Variants in BMPER observed in about 807,000 individuals in gnomAD.
BMPER encodes BMP-binding endothelial regulator protein.
BMPER carries 45 observed loss-of-function variants against 87.3 expected under a neutral mutation model. That is an observed-to-expected ratio of 0.52 (90% confidence interval 0.41 to 0.66). The LOEUF is 0.66. BMPER is among the 30% of genes least tolerant of loss of function. BMPER has a pLI of 0.00. For missense variants in BMPER, 784 were observed against 867.5 expected (o/e 0.90, Z 1.21); for synonymous variants, 326 against 316.2 (o/e 1.03, Z -0.33).
At chr7:34,070,401 A>T (rs1266044196) in intron 11 of BMPER, among the ~76,000 whole-genome samples, 1 of 152,124 alleles carries the variant, frequency 6.6e-6, no homozygotes, top group Non-Finnish European at 1.5e-5. Context: ...ATCAATCATC[A>T]GGTTTGCTTG....
chr7:34,152,396 C>T (rs528877941), intron 14 of BMPER, among the ~76,000 whole-genome samples: 51 of 152,236 alleles, frequency 3.4e-4, no homozygotes, highest in African/African-American at 1.2e-3. Flanking sequence ...TCTGACAAGT[C>T]TAGTCATGAA....
intron 2 of BMPER, among the ~76,000 whole-genome samples, chr7:33,922,316 A>G (rs974606353): frequency 2.0e-5 from 3 of 152,118 alleles, no homozygotes; most frequent in African/African-American, 7.2e-5. Context: ...CCATGATGTC[A>G]CCATTCCCCA....
At chr7:34,149,784 A>C (rs1417772842) in intron 14 of BMPER, among the ~76,000 whole-genome samples, 1 of 151,976 alleles carries the variant, frequency 6.6e-6, no homozygotes, top group African/African-American at 2.4e-5. Flanking sequence ...TATGGACATT[A>C]GTGAAAACTT....
At chr7:34,068,457 A>G (rs773776912) in intron 11 of BMPER, among the ~76,000 whole-genome samples, 2 of 152,324 alleles carry the variant, frequency 1.3e-5, no homozygotes, top group South Asian at 2.1e-4. Flanking sequence ...TGTCCCTCCA[A>G]CCACACCTGG....
chr7:34,094,488 A>T (rs935195603), intron 13 of BMPER, among the ~76,000 whole-genome samples: 1 of 152,174 alleles, frequency 6.6e-6, no homozygotes, highest in African/African-American at 2.4e-5. Context: ...CAGGCAGGGG[A>T]GCAGCAGGTC....
chr7:34,098,701 C>T (rs1287703907), intron 13 of BMPER, among the ~76,000 whole-genome samples: 1 of 152,036 alleles, frequency 6.6e-6, no homozygotes, highest in African/African-American at 2.4e-5. Context: ...CTTTCAGAAC[C>T]CCTGAAAGCT....
chr7:34,135,551 T>A (rs1381451600), intron 13 of BMPER, among the ~76,000 whole-genome samples: 3 of 152,160 alleles, frequency 2.0e-5, no homozygotes, highest in Non-Finnish European at 2.9e-5. Flanking sequence ...GGCTGCATGA[T>A]TCTCTGTCAG....
Position 34,153,268 on chromosome 7 carries a change from C to A in BMPER, c.2053C>A (p.Arg685=). 3 of 1,613,932 alleles carry A rather than the reference C, an allele frequency of 1.9e-6. No homozygotes were observed. The highest frequency in any genetic ancestry group is 2.5e-6 in the Non-Finnish European group (3 of 1,179,926). ...CATCAAGCCAGTCCTTTGTCCCCAG[C>A]GGTGACCTTTGTTTCGATCCTTAAG... ...RCIKPVLCPQ[R] The change falls in exon 15 of 15, where the codon CGG becomes AGG. Residue 685 remains arginine, a synonymous_variant. Transcript: ENST00000649409.
intron 2 of BMPER, among the ~76,000 whole-genome samples, chr7:33,923,689 C>T (rs1585640105): frequency 6.6e-6 from 1 of 152,192 alleles, no homozygotes; most frequent in East Asian, 1.9e-4. Flanking sequence ...GTAATGACCG[C>T]AGCCAGGGTC....
At chr7:34,097,752 G>A (rs1789566629) in intron 13 of BMPER, among the ~76,000 whole-genome samples, 1 of 152,046 alleles carries the variant, frequency 6.6e-6, no homozygotes, top group Non-Finnish European at 1.5e-5. Flanking sequence ...AGATTCCTTT[G>A]GGTCACCAAG....
At chr7:33,970,529 C>G (rs1400061427) in intron 5 of BMPER, 110 bp downstream of exon 5, 2 of 1,144,644 alleles carry the variant, frequency 1.7e-6, no homozygotes, top group Non-Finnish European at 2.6e-6. Flanking sequence ...ATCTGTGTAC[C>G]TAATGGGTTT....
At chr7:34,006,489 A>G (rs1430989830) in intron 6 of BMPER, among the ~76,000 whole-genome samples, 1 of 152,088 alleles carries the variant, frequency 6.6e-6, no homozygotes, top group Non-Finnish European at 1.5e-5. Context: ...CAGAAAGCAG[A>G]GCCTATGCAA....
chr7:34,124,547 A>G (rs1431899215), intron 13 of BMPER, among the ~76,000 whole-genome samples: 1 of 151,926 alleles, frequency 6.6e-6, no homozygotes, highest in Non-Finnish European at 1.5e-5. Context: ...ATATAGGAAA[A>G]CTGTTTTTAT....
At chr7:33,969,611 G>A (rs2128618396) in intron 4 of BMPER, among the ~76,000 whole-genome samples, 1 of 152,326 alleles carries the variant, frequency 6.6e-6, no homozygotes, top group South Asian at 2.1e-4. Context: ...GTGTTAGCCA[G>A]GATGGTCTCG....
chr7:34,069,572 C>G (rs1788685787), intron 11 of BMPER, among the ~76,000 whole-genome samples: 1 of 152,204 alleles, frequency 6.6e-6, no homozygotes, highest in African/African-American at 2.4e-5. Flanking sequence ...AGCTAATACA[C>G]TGGCCTACGA....
chr7:34,066,537 C>G (rs1043541832), intron 11 of BMPER, among the ~76,000 whole-genome samples: 2 of 152,338 alleles, frequency 1.3e-5, no homozygotes, highest in South Asian at 2.1e-4. Flanking sequence ...GTGTGAGACT[C>G]TAGCCTTAAG....
chr7:33,958,976 G>T (rs185607848), intron 3 of BMPER, among the ~76,000 whole-genome samples: 1 of 152,186 alleles, frequency 6.6e-6, no homozygotes, highest in Admixed American at 6.5e-5. Flanking sequence ...CACAAGATAC[G>T]CTGGTTTTAT....
At chr7:34,147,438 A>G (rs1452666703) in intron 14 of BMPER, among the ~76,000 whole-genome samples, 1 of 152,176 alleles carries the variant, frequency 6.6e-6, no homozygotes, top group East Asian at 1.9e-4. Context: ...AATGCACTCT[A>G]ATCCTAACCA....
chr7:34,107,108 ATTTCCCATCCTCT>A (rs1789839356), intron 13 of BMPER, among the ~76,000 whole-genome samples: 1 of 152,136 alleles, frequency 6.6e-6, no homozygotes, highest in Non-Finnish European at 1.5e-5. Context: ...TCTTTGGCTT[ATTTCCCATCCTCT>A]CAACCAGAGG....
Sources: gnomAD v4.1 joint callset for allele counts (sites outside exome capture counted in the v4.1 genomes callset) on GRCh38, gnomAD v4.1.1 for gene constraint, MANE v1.5 for transcripts, NCBI Gene and HGNC (gene_info 2026-07-23, HGNC 2026-07-21) for gene names.